The following AXDND1 variants were observed in gnomAD, a reference collection of about 807,000 sequenced individuals.
The protein encoded by AXDND1 is axonemal dynein light chain domain-containing protein 1.
AXDND1 carries 110 observed loss-of-function variants against 137.5 expected under a neutral mutation model. The ratio of observed to expected loss-of-function variants is 0.80; its 90% confidence interval spans 0.69 to 0.94. The LOEUF (loss-of-function observed/expected upper bound fraction) is 0.94. Ranked by LOEUF, AXDND1 falls within the 40% of genes least tolerant of loss-of-function variation. AXDND1 has a pLI of 0.00. For synonymous variants in AXDND1, 414 were observed against 399.7 expected, an observed-to-expected ratio of 1.04 and a Z score of -0.43; for missense variants, 1,191 against 1,169.8, an observed-to-expected ratio of 1.02 and a Z score of -0.26.
At chr1:179,527,113 A>G (rs538565067) in intron 22 of AXDND1, among the ~76,000 whole-genome samples, 1 of 152,330 alleles carries the variant, frequency 6.6e-6, no homozygotes, top group South Asian at 2.1e-4. Context: ...TAGACAGAGT[A>G]GCCTTAAGGG....
intron 12 of AXDND1, 148 bp downstream of exon 12, chr1:179,411,414 G>C: frequency 1.9e-6 from 2 of 1,052,142 alleles, no homozygotes; most frequent in South Asian, 3.2e-5. Flanking sequence ...ATGTGATCTC[G>C]GCTCACTGCA....
At chr1:179,476,834 C>T (rs773536800) in intron 17 of AXDND1, among the ~76,000 whole-genome samples, 1 of 152,078 alleles carries the variant, frequency 6.6e-6, no homozygotes, top group Non-Finnish European at 1.5e-5. Flanking sequence ...AGTTTGTAGA[C>T]CTCTTTGTAT....
chr1:179,530,579 A>G (rs1670952374), intron 23 of AXDND1, among the ~76,000 whole-genome samples: 1 of 152,178 alleles, frequency 6.6e-6, no homozygotes, highest in African/African-American at 2.4e-5. Flanking sequence ...AGATACTGCC[A>G]TTCTGTGTGA....
At chr1:179,368,201 C>G (rs111324387) in intron 2 of AXDND1, among the ~76,000 whole-genome samples, 1,770 of 152,224 alleles carry the variant, frequency 0.012, 30 homozygotes, top group African/African-American at 0.039. Context: ...TTTATTACTC[C>G]CCTGCCCTAG....
chr1:179,485,750 A>AG (rs1665964484), intron 18 of AXDND1, among the ~76,000 whole-genome samples: 2 of 151,980 alleles, frequency 1.3e-5, no homozygotes, highest in South Asian at 2.1e-4. Flanking sequence ...AACGTACAAG[A>AG]AAGTTGAAAC....
chr1:179,462,704 A>G (rs1433132614), intron 16 of AXDND1, among the ~76,000 whole-genome samples: 1 of 152,086 alleles, frequency 6.6e-6, no homozygotes, highest in Non-Finnish European at 1.5e-5. Context: ...TTATTGCCTC[A>G]ATTTCAGAAC....
At chr1:179,439,328 G>A (rs552591287) in intron 15 of AXDND1, among the ~76,000 whole-genome samples, 10 of 152,200 alleles carry the variant, frequency 6.6e-5, no homozygotes, top group Non-Finnish European at 1.2e-4. Context: ...ACTCAACCAT[G>A]TTTGAGCTTG....
chr1:179,419,149 A>G (rs1314925497), intron 12 of AXDND1, among the ~76,000 whole-genome samples: 1 of 150,868 alleles, frequency 6.6e-6, no homozygotes, highest in East Asian at 2.0e-4. Context: ...AGCCAGGCAG[A>G]GGGGCTCCTC....
intron 20 of AXDND1, among the ~76,000 whole-genome samples, chr1:179,497,897 ATTCCAC>A (rs1250943381): frequency 1.3e-5 from 2 of 152,136 alleles, no homozygotes; most frequent in African/African-American, 4.8e-5. Context: ...CGAGAATACA[ATTCCAC>A]TTACAATAGC....
chr1:179,411,365 G>T, intron 12 of AXDND1, 99 bp downstream of exon 12: 1 of 1,481,236 alleles, frequency 6.8e-7, no homozygotes, highest in Middle Eastern at 1.9e-4. Context: ...TGTTTTGAAA[G>T]AGTCTTACTC....
intron 23 of AXDND1, 140 bp downstream of exon 23, chr1:179,528,571 A>G (rs1670757497): frequency 2.2e-6 from 1 of 455,098 alleles, no homozygotes; most frequent in Non-Finnish European, 3.7e-6. Context: ...TTTTCTTCCA[A>G]CATAATTCCT....
chr1:179,429,387 T>A lies in AXDND1; in HGVS notation c.1231-131T>A, dbSNP rs554425696. On this transcript the variant is annotated intron_variant, in intron 12 of 25. Transcript: ENST00000367618. Reference sequence around the variant, plus strand: ...GGAAAATGTGAATTTGTAATTCGTGTTAATGATTTAAACGAGAAATTTTAG... The same window carrying A: ...GGAAAATGTGAATTTGTAATTCGTGATAATGATTTAAACGAGAAATTTTAG... The A allele has an allele frequency of 2.0e-3, 946 of 480,818 alleles. 9 individuals carry two copies. Among genetic ancestry groups the A allele is most frequent in the African/African-American group, 0.018 (870 of 49,474 alleles). 29.8% of individuals were successfully genotyped at this position (480,818 alleles called of 1,614,324 possible).
intron 16 of AXDND1, among the ~76,000 whole-genome samples, chr1:179,447,147 A>T (rs1016824811): frequency 6.6e-6 from 1 of 152,172 alleles, no homozygotes; most frequent in African/African-American, 2.4e-5. Context: ...CCTATTGAAT[A>T]CAGGGGTATA....
At chr1:179,485,070 C>T (rs1280607976) in intron 18 of AXDND1, among the ~76,000 whole-genome samples, 1 of 152,200 alleles carries the variant, frequency 6.6e-6, no homozygotes, top group Non-Finnish European at 1.5e-5. Flanking sequence ...AGCACTCGGC[C>T]CCCATGCGTG....
At chr1:179,456,729 C>T in intron 16 of AXDND1, 3 of 783,224 alleles carry the variant, frequency 3.8e-6, no homozygotes, top group Non-Finnish European at 6.9e-6. Flanking sequence ...TCCATGACCA[C>T]CACCAAAGTT....
intron 21 of AXDND1, among the ~76,000 whole-genome samples, chr1:179,524,282 T>G (rs1189599846): frequency 6.6e-6 from 1 of 152,176 alleles, no homozygotes; most frequent in East Asian, 1.9e-4. Context: ...TTTCCATAGA[T>G]CCCTAGCATT....
At chr1:179,383,349 T>A in intron 7 of AXDND1, 93 bp from the exon 8 acceptor site, 1 of 898,036 alleles carries the variant, frequency 1.1e-6, no homozygotes, top group Non-Finnish European at 1.8e-6. Context: ...AGAGAGCATA[T>A]ATATTCTCTT....
rs188751199 is a variant in AXDND1 at position 179,379,320 on chromosome 1, G to A, written c.496-77G>A. ...AAAAAATAGTATCTCTTTAGGTTAG[G>A]AATTAGGATTTGTGCAAGTGAATTT... On this transcript the variant is annotated intron_variant, in intron 5 of 25. Coordinates refer to ENST00000367618, the MANE Select transcript of AXDND1 (RefSeq NM_144696.6). The A allele has an allele frequency of 2.4e-3, 3,432 of 1,449,800 alleles. 16 individuals carry two copies. Among genetic ancestry groups the A allele is most frequent in the Middle Eastern group, 0.012 (50 of 4,084 alleles). The allele number at this position is 1,449,800 out of a possible 1,614,324, so 89.8% of individuals were successfully genotyped here.
chr1:179,403,988 T>C (rs1158667592), intron 11 of AXDND1, among the ~76,000 whole-genome samples: 2 of 152,208 alleles, frequency 1.3e-5, no homozygotes, highest in African/African-American at 4.8e-5. Context: ...TCAACTATGA[T>C]TTAATACTGT....
Sources: allele counts gnomAD v4.1 joint callset (sites outside exome capture counted in the v4.1 genomes callset), GRCh38; gene constraint gnomAD v4.1.1; transcripts MANE v1.5; gene names NCBI Gene and HGNC (gene_info 2026-07-23, HGNC 2026-07-21).